The following SRSF11 variants were observed in gnomAD, a reference collection of about 807,000 sequenced individuals.
SRSF11 encodes the protein serine/arginine-rich splicing factor 11.
A neutral mutation model predicts 56.0 loss-of-function variants in SRSF11; 9 were observed. The ratio of observed to expected loss-of-function variants is 0.16; its 90% CI spans 0.10 to 0.28. SRSF11 has a LOEUF of 0.28. Ranked by LOEUF, SRSF11 falls within the 10% of genes least tolerant of loss-of-function variation. The pLI, the probability that SRSF11 is intolerant of heterozygous loss-of-function variation, is 1.00. For missense variants in SRSF11, 421 were observed against 600.7 expected (o/e 0.70, Z 3.13); for synonymous variants, 222 against 215.3 (o/e 1.03, Z -0.27).
upstream of SRSF11, chr1:70,220,748 G>T (rs1178773368): frequency 1.3e-5 from 2 of 152,118 alleles, no homozygotes; most frequent in Admixed American, 1.3e-4. Flanking sequence ...TACTCCCGAG[G>T]CCTAGGTAGG....
intron 8 of SRSF11, 91 bp from the exon 9 acceptor site, chr1:70,246,727 A>T: frequency 1.4e-6 from 1 of 707,950 alleles, no homozygotes; most frequent in Non-Finnish European, 2.4e-6. Flanking sequence ...GGATGGGATT[A>T]GATCTGATTA....
At chr1:70,218,557 G>A (rs193086284), upstream of SRSF11, 65 of 152,238 alleles carry the variant, frequency 4.3e-4, no homozygotes, top group African/African-American at 1.5e-3. Flanking sequence ...GAAAAATGTA[G>A]AGTCATATAA....
rs778912356 is a variant in SRSF11, at chr1:70,252,657, T to G, written c.*1852T>G. The G allele has an allele frequency of 8.5e-5, 13 of 152,174 alleles. No homozygotes were observed. The highest frequency in any genetic ancestry group is 1.8e-4 in the Non-Finnish European group (12 of 68,024). 9.4% of individuals were successfully genotyped at this position (152,174 alleles called of 1,614,324 possible). A position where few individuals can be genotyped will look rare whatever the true frequency, so the allele number is the denominator to read the frequency against. On this transcript the variant is annotated 3_prime_UTR_variant, in exon 12 of 12. Coordinates refer to ENST00000370949, the MANE Select transcript of SRSF11 (RefSeq NM_001350605.2). The stretch of plus-strand genomic sequence containing the variant: ...TCACTGCATTTTTAAAAAACAAAGT[T>G]CAACACAAATGACATTTGTTTTAAA...
At chr1:70,217,070 C>T (rs184536254), upstream of SRSF11, among the ~76,000 whole-genome samples, 1,103 of 152,264 alleles carry the variant, frequency 7.2e-3, 18 homozygotes, top group Non-Finnish European at 7.3e-3. Context: ...AACACTTTTT[C>T]CGCCATCCCC....
chr1:70,237,313 C>T, intron 5 of SRSF11, 112 bp from the exon 6 acceptor site: 3 of 1,383,680 alleles, frequency 2.2e-6, no homozygotes, highest in East Asian at 5.0e-5. Context: ...CCTCCCCTCC[C>T]TTTTTTTGAA....
At position 70,244,295 on chromosome 1, in the gene SRSF11, C is replaced by G. The variant is rs1676232203; in HGVS notation, c.801-389C>G. Reference sequence around the variant, plus strand: ...TGATTTATGATGAGGAAGGTTTAAGCTGCACTAATGAGGAATCAAATAAGA... The same window carrying G: ...TGATTTATGATGAGGAAGGTTTAAGGTGCACTAATGAGGAATCAAATAAGA... On this transcript the variant is annotated intron_variant, in intron 7 of 11. Transcript: ENST00000370949. Among the ~76,000 whole-genome samples, 4 of 152,162 alleles carry G rather than the reference C, an allele frequency of 2.6e-5. No homozygotes were observed. In the South Asian group the frequency reaches 8.3e-4, roughly 32 times the overall value.
In SRSF11 at chr1:70,234,797, T is replaced by C; in HGVS notation, c.540+9T>C. On this transcript the variant is annotated intron_variant, in intron 4 of 11. Transcript: ENST00000370949. ...CAAACTTGAACTCTCAGGTATACCT[T>C]AGTAACTTCAAATTTTTCACCCATT... 1 of 1,577,748 alleles carries C rather than the reference T, an allele frequency of 6.3e-7. No individual in the cohort carries two copies. Among genetic ancestry groups the C allele is most frequent in the Non-Finnish European group, 8.6e-7 (1 of 1,163,328 alleles).
intron 2 of SRSF11, 22 bp downstream of exon 2, chr1:70,228,577 C>G: frequency 6.2e-7 from 1 of 1,605,350 alleles, no homozygotes. Flanking sequence ...GTTTAACTAC[C>G]TATGTGGGCA....
At chr1:70,247,132 A>G (rs943009417) in intron 9 of SRSF11, 33 of 1,056,366 alleles carry the variant, frequency 3.1e-5, no homozygotes, top group Non-Finnish European at 3.8e-5. Flanking sequence ...ATTTGAAGTA[A>G]CATGGAATTC....
chr1:70,226,225 A>G (rs761986138), intron 1 of SRSF11, among the ~76,000 whole-genome samples: 1 of 152,156 alleles, frequency 6.6e-6, no homozygotes, highest in Non-Finnish European at 1.5e-5. Flanking sequence ...AAAAATGTTA[A>G]GAATGTAATT....
chr1:70,206,153 A>C (rs1425468281), intron 1 of SRSF11, among the ~76,000 whole-genome samples: 1 of 152,262 alleles, frequency 6.6e-6, no homozygotes, highest in African/African-American at 2.4e-5. Flanking sequence ...CATAGAAGAC[A>C]AAAACAAAAA....
At chr1:70,237,294 T>C (rs1674338965) in intron 5 of SRSF11, 131 bp from the exon 6 acceptor site, 2 of 1,119,698 alleles carry the variant, frequency 1.8e-6, no homozygotes, top group South Asian at 1.5e-5. Flanking sequence ...ACCAAAGTTA[T>C]CATGGAGTCC....
intron 3 of SRSF11, among the ~76,000 whole-genome samples, chr1:70,233,921 G>A (rs1425364871): frequency 1.3e-5 from 2 of 152,150 alleles, no homozygotes; most frequent in African/African-American, 2.4e-5. Flanking sequence ...AATGAATACA[G>A]GAATCACAAG....
At chr1:70,217,846 AC>A (rs1425190973), upstream of SRSF11, among the ~76,000 whole-genome samples, 1 of 152,174 alleles carries the variant, frequency 6.6e-6, no homozygotes, top group Non-Finnish European at 1.5e-5. Context: ...AATCTATTAG[AC>A]CTACAAGAAT....
intron 1 of SRSF11, among the ~76,000 whole-genome samples, chr1:70,210,682 T>C (rs2100459151): frequency 6.6e-6 from 1 of 152,242 alleles, no homozygotes; most frequent in East Asian, 1.9e-4. Flanking sequence ...GCCACTGTAC[T>C]CCAGCCTGGA....
At chr1:70,245,824 G>A (rs1676619004) in intron 8 of SRSF11, among the ~76,000 whole-genome samples, 1 of 152,194 alleles carries the variant, frequency 6.6e-6, no homozygotes. Flanking sequence ...GAGGCAACTG[G>A]AATGAGTTGA....
intron 1 of SRSF11, among the ~76,000 whole-genome samples, chr1:70,206,089 A>G (rs904020011): frequency 1.3e-5 from 2 of 152,200 alleles, no homozygotes; most frequent in Non-Finnish European, 2.9e-5. Flanking sequence ...CGTTGTATTG[A>G]GGGTATATAG....
intron 1 of SRSF11, among the ~76,000 whole-genome samples, chr1:70,215,266 A>C (rs1571584305): frequency 6.6e-6 from 1 of 152,174 alleles, no homozygotes; most frequent in Non-Finnish European, 1.5e-5. Flanking sequence ...ATGGCTCTGT[A>C]TAGCTAAAGG....
chr1:70,237,698 G>A (rs920804964), intron 6 of SRSF11, 146 bp downstream of exon 6: 33 of 1,150,584 alleles, frequency 2.9e-5, no homozygotes, highest in South Asian at 9.7e-5. Context: ...CCACTCAGAC[G>A]TATTTGGAGA....
Sources: allele counts gnomAD v4.1 joint callset (sites outside exome capture counted in the v4.1 genomes callset), GRCh38; gene constraint gnomAD v4.1.1; transcripts MANE v1.5; gene names NCBI Gene and HGNC (gene_info 2026-07-23, HGNC 2026-07-21).